Variants in STXBP5L observed in about 807,000 individuals in gnomAD.
STXBP5L encodes the protein syntaxin binding protein 5L.
Under a neutral mutation model 144.5 loss-of-function variants are expected in STXBP5L, and 65 were observed. That is an observed-to-expected ratio of 0.45 (90% CI 0.37 to 0.55). The LOEUF (loss-of-function observed/expected upper bound fraction) is 0.55. Among genes scored for constraint, STXBP5L ranks in the 20% least tolerant of loss-of-function variants. STXBP5L has a pLI of 0.00. For missense variants in STXBP5L, 1,298 were observed against 1,405.5 expected, an observed-to-expected ratio of 0.92 and a Z score of 1.22; for synonymous variants, 505 against 469.6, an observed-to-expected ratio of 1.08 and a Z score of -0.97.
At chr3:121,171,680 C>G (rs540251745) in intron 9 of STXBP5L, among the ~76,000 whole-genome samples, 63 of 152,288 alleles carry the variant, frequency 4.1e-4, no homozygotes, top group African/African-American at 1.1e-3. Context: ...CTACAAACCA[C>G]TGCTCAAGGA....
At chr3:121,349,594 G>C (rs1194590268) in intron 20 of STXBP5L, among the ~76,000 whole-genome samples, 3 of 152,058 alleles carry the variant, frequency 2.0e-5, no homozygotes, top group Non-Finnish European at 2.9e-5. Flanking sequence ...GGGAGTCTAA[G>C]TCTCTTTGTA....
intron 4 of STXBP5L, among the ~76,000 whole-genome samples, chr3:121,042,501 GC>G (rs1947229614): frequency 6.6e-6 from 1 of 152,068 alleles, no homozygotes; most frequent in African/African-American, 2.4e-5. Flanking sequence ...AAAAGTTTGT[GC>G]CATGCCAAAT....
intron 3 of STXBP5L, among the ~76,000 whole-genome samples, chr3:120,974,598 T>C (rs892005584): frequency 2.6e-5 from 4 of 152,362 alleles, no homozygotes; most frequent in Admixed American, 2.6e-4. Flanking sequence ...TTTGGTGTTT[T>C]AGAGATGAAG....
chr3:120,926,150 C>T (rs1278987713), intron 2 of STXBP5L, among the ~76,000 whole-genome samples: 1 of 152,038 alleles, frequency 6.6e-6, no homozygotes, highest in Non-Finnish European at 1.5e-5. Context: ...TTAATTTTAC[C>T]AGTGGGTTTT....
rs183812580 is a variant in STXBP5L, at chr3:120,954,240, A to T, written c.190-700A>T. 3.0e-3 allele frequency among the ~76,000 whole-genome samples: 455 copies of T among 152,266 alleles called. 2 individuals are homozygous for T. Among genetic ancestry groups the T allele is most frequent in the Non-Finnish European group, 5.3e-3 (362 of 67,988 alleles). On this transcript the variant is annotated intron_variant, in intron 2 of 26. Transcript: ENST00000471454. ...CTTAACATTTTTTGAGGTGTAATTT[A>T]TATGCAGAGAAATCACAAATTTTAT...
chr3:121,413,077 GAATA>G (rs1230621598), intron 23 of STXBP5L, 77 bp from the exon 24 acceptor site: 7 of 1,064,074 alleles, frequency 6.6e-6, no homozygotes, highest in Non-Finnish European at 9.0e-6. Context: ...TAAAATAATA[GAATA>G]AAAATTACTG....
chr3:121,149,565 T>C (rs2045856394), intron 7 of STXBP5L, among the ~76,000 whole-genome samples: 1 of 152,006 alleles, frequency 6.6e-6, no homozygotes, highest in Admixed American at 6.6e-5. Context: ...TATGATAATA[T>C]ATCTGGAATG....
At chr3:121,054,206 A>G (rs560514495) in intron 5 of STXBP5L, among the ~76,000 whole-genome samples, 1 of 152,316 alleles carries the variant, frequency 6.6e-6, no homozygotes, top group Non-Finnish European at 1.5e-5. Flanking sequence ...ATCTAGAACT[A>G]GAAATACCAT....
Position 121,179,277 on chromosome 3 carries a change from C to T in STXBP5L, c.877+21650C>T, listed in dbSNP as rs151298755. Reference sequence around the variant, plus strand: ...AGAACATAACTACAATAACCAACATCAGGAAAAGCCAGTGCACAGAGACTT... The same window carrying T: ...AGAACATAACTACAATAACCAACATTAGGAAAAGCCAGTGCACAGAGACTT... On this transcript the variant is annotated intron_variant, in intron 9 of 26. Coordinates refer to ENST00000471454, the MANE Select transcript of STXBP5L (RefSeq NM_001308330.2). Among the ~76,000 whole-genome samples the T allele has an allele frequency of 4.7e-3, 713 of 152,042 alleles. 7 individuals are homozygous for T. Among genetic ancestry groups the T allele is most frequent in the African/African-American group, 0.016 (669 of 41,480 alleles).
At chr3:121,117,131 A>G (rs562462602) in intron 6 of STXBP5L, among the ~76,000 whole-genome samples, 1 of 152,012 alleles carries the variant, frequency 6.6e-6, no homozygotes, top group Non-Finnish European at 1.5e-5. Flanking sequence ...TACAATTTCA[A>G]GACTAATGAA....
intron 3 of STXBP5L, among the ~76,000 whole-genome samples, chr3:120,988,333 T>A (rs982629692): frequency 3.3e-5 from 5 of 151,910 alleles, no homozygotes; most frequent in African/African-American, 1.2e-4. Flanking sequence ...TTTTTCAAAA[T>A]TTCCTTTCAG....
chr3:121,269,413 ATG>A (rs1050322506), intron 18 of STXBP5L, among the ~76,000 whole-genome samples: 33 of 151,572 alleles, frequency 2.2e-4, no homozygotes, highest in African/African-American at 7.5e-4. Context: ...ACAGTATTAT[ATG>A]TGTGTGTGTG....
chr3:121,396,633 G>T (rs1209658085), intron 22 of STXBP5L, among the ~76,000 whole-genome samples: 1 of 152,242 alleles, frequency 6.6e-6, no homozygotes, highest in Admixed American at 6.5e-5. Context: ...GTACCATTTG[G>T]TAAGTTGGGC....
At chr3:121,380,560 A>C (rs893729834) in intron 21 of STXBP5L, among the ~76,000 whole-genome samples, 2 of 152,034 alleles carry the variant, frequency 1.3e-5, no homozygotes, top group Non-Finnish European at 2.9e-5. Context: ...CACATGTACA[A>C]GTGTTGATGA....
chr3:121,024,136 G>C (rs1945759269), intron 3 of STXBP5L, among the ~76,000 whole-genome samples: 2 of 152,126 alleles, frequency 1.3e-5, no homozygotes. Context: ...CAAAAGAGAG[G>C]CCACAGACTT....
chr3:121,109,191 G>T (rs2043862762), intron 5 of STXBP5L, among the ~76,000 whole-genome samples: 1 of 151,964 alleles, frequency 6.6e-6, no homozygotes, highest in Non-Finnish European at 1.5e-5. Context: ...CCAGCTCCTG[G>T]ATTTGTTGAC....
intron 3 of STXBP5L, among the ~76,000 whole-genome samples, chr3:121,033,851 C>A (rs954228877): frequency 6.6e-6 from 1 of 151,718 alleles, no homozygotes; most frequent in East Asian, 1.9e-4. Flanking sequence ...TATCAAGCAG[C>A]CTGTGAAAAC....
intron 22 of STXBP5L, among the ~76,000 whole-genome samples, chr3:121,387,344 A>G (rs113608257): frequency 0.027 from 4,072 of 152,260 alleles, 84 homozygotes; most frequent in Non-Finnish European, 0.043. Flanking sequence ...ATTTTCTCCC[A>G]TTCTGTAGGT....
At chr3:121,252,900 T>G (rs1030351949) in intron 15 of STXBP5L, among the ~76,000 whole-genome samples, 1 of 152,200 alleles carries the variant, frequency 6.6e-6, no homozygotes, top group Non-Finnish European at 1.5e-5. Context: ...ATGTAATCGT[T>G]GGCAGACTTC....
Sources: gnomAD v4.1 joint callset for allele counts (sites outside exome capture counted in the v4.1 genomes callset) on GRCh38, gnomAD v4.1.1 for gene constraint, MANE v1.5 for transcripts, NCBI Gene and HGNC (gene_info 2026-07-23, HGNC 2026-07-21) for gene names.